The following GYPE variants were observed in gnomAD, a reference collection of about 807,000 sequenced individuals.
GYPE encodes glycophorin E (MNS blood group).
In GYPE, 8 loss-of-function variants were observed where a neutral mutation model predicts 11.6. The ratio of observed to expected loss-of-function variants is 0.69; its 90% CI spans 0.41 to 1.25. The LOEUF (loss-of-function observed/expected upper bound fraction) is 1.25, where lower values mean the gene tolerates loss of function less well. Among genes scored for constraint, GYPE ranks in the 50% most tolerant of loss-of-function variants. The probability of loss-of-function intolerance (pLI) is 0.01; values close to 1 mark genes in which losing one functional copy is unlikely to be tolerated. For missense variants in GYPE, 90 were observed against 92.8 expected (o/e 0.97, Z 0.12); for synonymous variants, 28 against 29.6 (o/e 0.94, Z 0.18).
At chr4:143,874,629 C>T (rs1743728701) in intron 3 of GYPE, among the ~76,000 whole-genome samples, 1 of 152,188 alleles carries the variant, frequency 6.6e-6, no homozygotes, top group African/African-American at 2.4e-5. Flanking sequence ...GACACTCCTC[C>T]TTCTGACTCC....
intron 1 of GYPE, among the ~76,000 whole-genome samples, chr4:143,897,540 T>C (rs1474248883): frequency 2.6e-5 from 4 of 152,160 alleles, no homozygotes; most frequent in Non-Finnish European, 4.4e-5. Flanking sequence ...GGGAAGGTAT[T>C]ATTTTGTGGA....
intron 2 of GYPE, among the ~76,000 whole-genome samples, chr4:143,878,911 C>T (rs1474032163): frequency 5.3e-5 from 8 of 151,984 alleles, no homozygotes; most frequent in Non-Finnish European, 1.0e-4. Context: ...GACAAATAAG[C>T]AAATTGTCTT....
intron 1 of GYPE, among the ~76,000 whole-genome samples, chr4:143,891,095 A>G (rs1202533188): frequency 1.3e-5 from 2 of 151,942 alleles, no homozygotes; most frequent in Admixed American, 6.6e-5. Context: ...TCTTATGTAA[A>G]GGGAGAGGGA....
intron 1 of GYPE, among the ~76,000 whole-genome samples, chr4:143,894,895 G>C (rs1374129127): frequency 6.6e-6 from 1 of 151,930 alleles, no homozygotes; most frequent in Non-Finnish European, 1.5e-5. Context: ...CAGAACCAAA[G>C]ACAAAAACCA....
At chr4:143,896,469 C>T (rs1246655237) in intron 1 of GYPE, among the ~76,000 whole-genome samples, 5 of 152,190 alleles carry the variant, frequency 3.3e-5, no homozygotes, top group Admixed American at 3.3e-4. Flanking sequence ...TACCATCTCA[C>T]ACCAGTTAGA....
chr4:143,878,821 A>T (rs1353802530), intron 2 of GYPE: 1 of 364,906 alleles, frequency 2.7e-6, no homozygotes, highest in African/African-American at 2.2e-5. Flanking sequence ...CTAGCTAGTA[A>T]AATTTATGAG....
At chr4:143,890,045 A>C (rs1404207040) in intron 1 of GYPE, among the ~76,000 whole-genome samples, 2 of 152,216 alleles carry the variant, frequency 1.3e-5, no homozygotes, top group African/African-American at 4.8e-5. Context: ...CCAAATTATA[A>C]TGCAACCAAT....
At chr4:143,901,208 G>A (rs1042603735) in intron 1 of GYPE, among the ~76,000 whole-genome samples, 2 of 152,014 alleles carry the variant, frequency 1.3e-5, no homozygotes, top group Non-Finnish European at 2.9e-5. Flanking sequence ...TTTTTCCAGA[G>A]CTTACATATA....
intron 1 of GYPE, among the ~76,000 whole-genome samples, chr4:143,895,404 C>G (rs1180028316): frequency 6.6e-5 from 10 of 151,898 alleles, no homozygotes; most frequent in Non-Finnish European, 1.5e-4. Context: ...ATCCCATTCA[C>G]AATTGCTTCA....
At chr4:143,891,876 G>C (rs1744419572) in intron 1 of GYPE, among the ~76,000 whole-genome samples, 2 of 152,084 alleles carry the variant, frequency 1.3e-5, no homozygotes, top group South Asian at 2.1e-4. Context: ...GTTGTCACTG[G>C]CACTAAAAAT....
In GYPE at chr4:143,905,493, T is replaced by C; in HGVS notation, c.15A>G (p.Ile5Met). 6.2e-7 allele frequency: 1 copy of C among 1,613,230 alleles called. No homozygotes were observed. The change falls in exon 1 of 4, where the codon ATA (isoleucine) becomes ATG (methionine). Residue 5 changes from isoleucine to methionine, a missense_variant. Physicochemically the swap from Ile to Met is conservative, Grantham distance 10. Transcript: ENST00000358615. ...TACCTGACAATAGTAATACAAAGATTATTTTTCCATACATCCTGAGATCAC... is the reference window on the plus strand; with the variant it reads ...TACCTGACAATAGTAATACAAAGATCATTTTTCCATACATCCTGAGATCAC... MYGK[I>M]IFVLLLSGIV...
intron 1 of GYPE, among the ~76,000 whole-genome samples, chr4:143,885,203 C>A (rs923070395): frequency 1.3e-5 from 2 of 151,956 alleles, no homozygotes; most frequent in Admixed American, 1.3e-4. Flanking sequence ...TGGCAAAGAA[C>A]CAATAATGGG....
chr4:143,892,658 C>T (rs922603516), intron 1 of GYPE, among the ~76,000 whole-genome samples: 1 of 151,914 alleles, frequency 6.6e-6, no homozygotes, highest in African/African-American at 2.4e-5. Flanking sequence ...AGTTTGATTG[C>T]ACTGTGGTCT....
At chr4:143,903,022 C>A in intron 1 of GYPE, among the ~76,000 whole-genome samples, 1 of 151,988 alleles carries the variant, frequency 6.6e-6, no homozygotes, top group Non-Finnish European at 1.5e-5. Context: ...TTGCTCTTCC[C>A]TCTGCCTTCT....
chr4:143,899,020 G>A (rs1744766980), intron 1 of GYPE, among the ~76,000 whole-genome samples: 1 of 143,294 alleles, frequency 7.0e-6, no homozygotes, highest in Admixed American at 7.2e-5. Flanking sequence ...GGAAATAAGT[G>A]ATAACATCAA....
intron 2 of GYPE, among the ~76,000 whole-genome samples, chr4:143,878,450 A>T (rs1225548213): frequency 1.3e-5 from 2 of 152,208 alleles, no homozygotes; most frequent in African/African-American, 2.4e-5. Context: ...AAATGTTTTT[A>T]AAAATAAGAA....
chr4:143,876,948 C>G (rs778460095), intron 2 of GYPE, 93 bp from the exon 3 acceptor site: 2 of 739,756 alleles, frequency 2.7e-6, no homozygotes, highest in African/African-American at 1.7e-5. Context: ...CATAACATCA[C>G]CTTGCCTTTT....
intron 3 of GYPE, chr4:143,873,277 CT>C (rs1743679730): frequency 3.1e-6 from 1 of 322,022 alleles, no homozygotes. Flanking sequence ...GTTTAATAGA[CT>C]TAGGTAAGAC....
chr4:143,882,458 C>A (rs1054764882), intron 1 of GYPE, among the ~76,000 whole-genome samples: 2 of 152,026 alleles, frequency 1.3e-5, no homozygotes, highest in Non-Finnish European at 2.9e-5. Flanking sequence ...GGAATATGGA[C>A]CATCTATTGT....
Sources: allele counts gnomAD v4.1 joint callset (sites outside exome capture counted in the v4.1 genomes callset), GRCh38; gene constraint gnomAD v4.1.1; transcripts MANE v1.5; gene names NCBI Gene and HGNC (gene_info 2026-07-23, HGNC 2026-07-21).